CFAP61: variants seen among roughly 807,000 people sequenced by gnomAD.
The protein encoded by CFAP61 is cilia- and flagella-associated protein 61.
CFAP61 carries 107 observed loss-of-function variants against 135.6 expected under a neutral mutation model. That is an observed-to-expected ratio of 0.79 (90% CI 0.67 to 0.93). CFAP61 has a LOEUF of 0.93. CFAP61 is among the 40% of genes least tolerant of loss of function. The pLI, the probability that CFAP61 is intolerant of heterozygous loss-of-function variation, is 0.00. For missense variants in CFAP61, 1,507 were observed against 1,556.2 expected (o/e 0.97, Z 0.53); for synonymous variants, 575 against 578.5 (o/e 0.99, Z 0.09).
intron 17 of CFAP61, among the ~76,000 whole-genome samples, chr20:20,219,406 G>A (rs1015271679): frequency 2.6e-5 from 4 of 152,116 alleles, no homozygotes; most frequent in Non-Finnish European, 4.4e-5. Flanking sequence ...TATAGTTTAA[G>A]TTGTTTCTAT....
chr20:20,238,624 G>A (rs771748786), intron 18 of CFAP61, among the ~76,000 whole-genome samples: 4 of 152,190 alleles, frequency 2.6e-5, no homozygotes, highest in Admixed American at 6.5e-5. Flanking sequence ...CTAGCAGGCC[G>A]ACATGTATCT....
chr20:20,111,421 C>A (rs1239311019), intron 8 of CFAP61, among the ~76,000 whole-genome samples: 2 of 152,156 alleles, frequency 1.3e-5, no homozygotes, highest in Non-Finnish European at 2.9e-5. Context: ...CGGGAAGTAG[C>A]CTTACTAACT....
chr20:20,342,687 C>G (rs1294283813), intron 26 of CFAP61, among the ~76,000 whole-genome samples: 1 of 152,136 alleles, frequency 6.6e-6, no homozygotes, highest in African/African-American at 2.4e-5. Context: ...TGGGAGCCCC[C>G]ACGCGCCTTA....
intron 25 of CFAP61, among the ~76,000 whole-genome samples, chr20:20,310,132 A>G (rs2056736421): frequency 6.6e-6 from 1 of 152,004 alleles, no homozygotes. Flanking sequence ...GTAGCTGGGT[A>G]GCAGGCATGT....
chr20:20,260,493 T>C (rs1221128074), intron 20 of CFAP61, among the ~76,000 whole-genome samples: 2 of 152,374 alleles, frequency 1.3e-5, no homozygotes, highest in East Asian at 3.9e-4. Flanking sequence ...TTTTGCCTGC[T>C]TTGTGAAAAT....
intron 17 of CFAP61, among the ~76,000 whole-genome samples, chr20:20,206,140 C>T (rs899343334): frequency 6.6e-5 from 10 of 152,132 alleles, no homozygotes; most frequent in African/African-American, 2.4e-4. Flanking sequence ...GGAAGAGTAA[C>T]TTCTTAACAT....
chr20:20,295,650 A>G (rs2055370469), intron 24 of CFAP61, among the ~76,000 whole-genome samples: 2 of 152,168 alleles, frequency 1.3e-5, no homozygotes, highest in Admixed American at 1.3e-4. Flanking sequence ...TTCACTGTGT[A>G]TATATCTACA....
chr20:20,158,197 T>C (rs537260876), intron 9 of CFAP61, among the ~76,000 whole-genome samples: 3 of 151,770 alleles, frequency 2.0e-5, no homozygotes, highest in African/African-American at 7.3e-5. Flanking sequence ...CATATGTAAC[T>C]AATCTGCACA....
chr20:20,249,169 A>T lies in CFAP61; in HGVS notation c.2160-2426A>T, dbSNP rs368479257. Among the ~76,000 whole-genome samples the T allele has an allele frequency of 3.3e-5, 5 of 152,200 alleles. No individual in the cohort carries two copies. In the East Asian group the frequency reaches 9.6e-4, roughly 29 times the overall value. ...ATATCACTTACAGTCTTCGATATAT[A>T]GTTTCACTCAACTGGTGAGGAAATT... On this transcript the variant is annotated intron_variant, in intron 19 of 26. Transcript: ENST00000245957.
intron 21 of CFAP61, among the ~76,000 whole-genome samples, chr20:20,274,650 A>C (rs1370152389): frequency 6.6e-6 from 1 of 152,110 alleles, no homozygotes; most frequent in Non-Finnish European, 1.5e-5. Context: ...AACAGGCGAG[A>C]CTCTGTCTCG....
chr20:20,157,896 A>G (rs1042093646), intron 9 of CFAP61, among the ~76,000 whole-genome samples: 2 of 152,202 alleles, frequency 1.3e-5, no homozygotes, highest in Non-Finnish European at 2.9e-5. Flanking sequence ...TTTCTACAAC[A>G]TATTTTTTAA....
At chr20:20,103,742 G>A (rs898821008) in intron 8 of CFAP61, among the ~76,000 whole-genome samples, 16 of 152,134 alleles carry the variant, frequency 1.1e-4, no homozygotes, top group Admixed American at 3.3e-4. Context: ...CCTGCCTGGT[G>A]TTTGCAAATC....
chr20:20,295,750 C>G (rs1374687573), intron 24 of CFAP61, among the ~76,000 whole-genome samples: 1 of 151,736 alleles, frequency 6.6e-6, no homozygotes, highest in African/African-American at 2.4e-5. Flanking sequence ...TGCGCCCCCA[C>G]CCCCACCCCA....
At chr20:20,054,944 T>C (rs114503618) in intron 1 of CFAP61, among the ~76,000 whole-genome samples, 2,526 of 152,324 alleles carry the variant, frequency 0.017, 68 homozygotes, top group African/African-American at 0.057. Context: ...ATTTATTCCT[T>C]TTGGAATTCC....
At chr20:20,104,993 G>T (rs1277039804) in intron 8 of CFAP61, among the ~76,000 whole-genome samples, 1 of 152,140 alleles carries the variant, frequency 6.6e-6, no homozygotes, top group Non-Finnish European at 1.5e-5. Context: ...GGTACTAGGG[G>T]TTAAGCCTTC....
intron 8 of CFAP61, among the ~76,000 whole-genome samples, chr20:20,122,496 C>T (rs890318453): frequency 6.6e-6 from 1 of 152,182 alleles, no homozygotes; most frequent in Admixed American, 6.5e-5. Flanking sequence ...GCTTAGCTCC[C>T]ACATATCAGT....
chr20:20,272,839 T>G (rs1475882178), intron 21 of CFAP61, among the ~76,000 whole-genome samples: 1 of 152,146 alleles, frequency 6.6e-6, no homozygotes, highest in Non-Finnish European at 1.5e-5. Flanking sequence ...TCCTTCTTGA[T>G]TCAGCCCAAA....
Position 20,166,421 on chromosome 20 carries a change from T to C in CFAP61, c.1230T>C (p.Val410=). The change falls in exon 12 of 27, where the codon GTT becomes GTC. Residue 410 remains valine, a synonymous_variant. Transcript: ENST00000245957. ...EARSLDFMNF[V]FSLFSDKNFC... is the part of the protein sequence containing the mutation. ...GGTCGCTGGATTTTATGAATTTTGTTTTCAGTCTTTTTTCTGTAAGTACAT... is the reference window on the plus strand; with the variant it reads ...GGTCGCTGGATTTTATGAATTTTGTCTTCAGTCTTTTTTCTGTAAGTACAT... 2 of 1,613,710 alleles carry C rather than the reference T, an allele frequency of 1.2e-6. No homozygotes were observed. Among genetic ancestry groups the C allele is most frequent in the African/African-American group, 1.3e-5 (1 of 75,054 alleles).
intron 12 of CFAP61, among the ~76,000 whole-genome samples, chr20:20,167,868 G>A (rs1367375021): frequency 6.6e-6 from 1 of 152,180 alleles, no homozygotes; most frequent in African/African-American, 2.4e-5. Context: ...ATCCCAAAGG[G>A]ACAAATTAGC....
Sources: gnomAD v4.1 joint callset for allele counts (sites outside exome capture counted in the v4.1 genomes callset) on GRCh38, gnomAD v4.1.1 for gene constraint, MANE v1.5 for transcripts, NCBI Gene and HGNC (gene_info 2026-07-23, HGNC 2026-07-21) for gene names.